Variants in YTHDF1 observed in about 807,000 individuals in gnomAD.
The protein encoded by YTHDF1 is YTH N6-methyladenosine RNA binding protein F1, also known as YTH domain-containing family protein 1.
YTHDF1 carries 16 observed loss-of-function variants against 49.1 expected under a neutral mutation model. That is an observed-to-expected ratio of 0.33 (90% confidence interval 0.22 to 0.49). The LOEUF is 0.49. Among genes scored for constraint, YTHDF1 ranks in the 20% least tolerant of loss-of-function variants. The pLI is 0.99. For missense variants in YTHDF1, 621 were observed against 744.3 expected, an observed-to-expected ratio of 0.83 and a Z score of 1.93; for synonymous variants, 313 against 290.1, an observed-to-expected ratio of 1.08 and a Z score of -0.80.
rs113905256 is a variant in YTHDF1 at position 63,201,910 on chromosome 20, C to T, written c.1653+377G>A. On this transcript the variant is annotated intron_variant, in intron 4 of 4. Transcript: ENST00000370339. ...ATATCACCTAAGTGTTCCTCATGGA[C>T]GGAGGCTGGGAAGCACTGTTCCAGA... Among the ~76,000 whole-genome samples, 110 of 152,338 alleles carry T rather than the reference C, an allele frequency of 7.2e-4. 2 individuals are homozygous for T. The highest frequency in any genetic ancestry group is 2.4e-3 in the African/African-American group (101 of 41,578).
Position 63,215,955 on chromosome 20 carries a change from G to A in YTHDF1, c.-63C>T. On this transcript the variant is annotated 5_prime_UTR_variant, in exon 1 of 5. Transcript: ENST00000370339. The stretch of plus-strand genomic sequence containing the variant: ...CCGGCTCGGGCCTCCCCTAGAGGCC[G>A]GGCCTGTCACCCTAGCTCGCGCGGC... The A allele has an allele frequency of 3.2e-6, 4 of 1,233,934 alleles. No individual in the cohort carries two copies. Among genetic ancestry groups the A allele is most frequent in the East Asian group, 3.4e-5 (1 of 29,314 alleles). 76.4% of individuals were successfully genotyped at this position (1,233,934 alleles called of 1,614,324 possible). A position where few individuals can be genotyped will look rare whatever the true frequency, so the allele number is the denominator to read the frequency against.
At position 63,213,922 on chromosome 20, in the gene YTHDF1, T is replaced by C; in HGVS notation, c.74A>G (p.Gln25Arg). The C allele has an allele frequency of 6.4e-7, 1 of 1,562,424 alleles. No homozygotes were observed. The highest frequency in any genetic ancestry group is 8.6e-7 in the Non-Finnish European group (1 of 1,164,538). ...GTCATTGTCATGAACTGTATCCTTC[T>C]GATGTAACGAACCATTTTGTACTAG... ...DNKVQNGSLH[Q>R]KDTVHDNDFE... The change falls in exon 3 of 5, where the codon CAG becomes CGG. Residue 25 changes from glutamine (Q) to arginine (R), a missense_variant. Physicochemically the swap from Gln to Arg is conservative, Grantham distance 43 (BLOSUM62 1). Coordinates refer to ENST00000370339, the MANE Select transcript of YTHDF1 (RefSeq NM_017798.4).
chr20:63,206,206 A>G (rs924759594), intron 3 of YTHDF1, among the ~76,000 whole-genome samples: 1 of 152,146 alleles, frequency 6.6e-6, no homozygotes, highest in Admixed American at 6.5e-5. Context: ...TCTTCCTTCC[A>G]CGCAAAAAGA....
chr20:63,202,484 T>G lies in YTHDF1; in HGVS notation c.1456A>C (p.Asn486His), dbSNP rs988495979. The G allele has an allele frequency of 6.2e-7, 1 of 1,614,276 alleles. No individual in the cohort carries two copies. The highest frequency in any genetic ancestry group is 8.5e-7 in the Non-Finnish European group (1 of 1,180,040). ...AGCCTGATGTGCCGGAGCTGGTTAT[T>G]GGGTACATCCTTAACAAAAATCCAC... ...VQWIFVKDVP[N>H]NQLRHIRLEN... The change falls in exon 4 of 5, where the codon AAT becomes CAT. Residue 486 changes from asparagine (N) to histidine (H), a missense_variant. This residue lies in a region of YTHDF1 where 151 missense variants were observed against 248.5 expected (regional missense o/e 0.61). Transcript: ENST00000370339.
chr20:63,204,155 C>A (rs1297374995), intron 3 of YTHDF1, among the ~76,000 whole-genome samples: 1 of 152,226 alleles, frequency 6.6e-6, no homozygotes, highest in Non-Finnish European at 1.5e-5. Flanking sequence ...CCCCTGCCTG[C>A]TGACGACAAC....
At position 63,202,404 on chromosome 20, in the gene YTHDF1, G is replaced by A. The variant is rs1023694615; in HGVS notation, c.1536C>T (p.Pro512=). Residue 512 remains proline, a synonymous_variant, in exon 4 of 5, where the codon CCC becomes CCT. Coordinates refer to ENST00000370339, the MANE Select transcript of YTHDF1 (RefSeq NM_017798.4). ...TCAGCACTTGCTTGGCTTTTTCTAAGGGCACCTCCTGGGTGTCCCGGGAGT... is the reference window on the plus strand; with the variant it reads ...TCAGCACTTGCTTGGCTTTTTCTAAAGGCACCTCCTGGGTGTCCCGGGAGT... ...VTNSRDTQEV[P]LEKAKQVLKI... 1 of 1,614,168 alleles carries A rather than the reference G, an allele frequency of 6.2e-7. No homozygotes were observed. The highest frequency in any genetic ancestry group is 1.3e-5 in the African/African-American group (1 of 74,954).
At chr20:63,197,250 G>A (rs1418453216) in intron 4 of YTHDF1, among the ~76,000 whole-genome samples, 2 of 152,120 alleles carry the variant, frequency 1.3e-5, no homozygotes, top group Non-Finnish European at 2.9e-5. Flanking sequence ...GGCTAATGAA[G>A]GGCAGGAGGA....
At chr20:63,200,926 T>C (rs1055100142) in intron 4 of YTHDF1, among the ~76,000 whole-genome samples, 1 of 152,122 alleles carries the variant, frequency 6.6e-6, no homozygotes, top group Middle Eastern at 3.4e-3. Context: ...TTGTCTGTAA[T>C]CCCAGCTACC....
At chr20:63,205,134 A>T (rs2066539742) in intron 3 of YTHDF1, among the ~76,000 whole-genome samples, 1 of 152,138 alleles carries the variant, frequency 6.6e-6, no homozygotes. Context: ...CATAAAGAGA[A>T]TATGCTCCAG....
At chr20:63,205,489 G>T (rs559779388) in intron 3 of YTHDF1, among the ~76,000 whole-genome samples, 1 of 151,380 alleles carries the variant, frequency 6.6e-6, no homozygotes, top group African/African-American at 2.4e-5. Flanking sequence ...TTCTCCACTT[G>T]TGAGCAGACA....
intron 3 of YTHDF1, 114 bp downstream of exon 3, chr20:63,213,750 T>G (rs2066587284): frequency 1.1e-6 from 1 of 949,048 alleles, no homozygotes; most frequent in South Asian, 1.7e-5. Flanking sequence ...TCCTAATACT[T>G]TATAGTCTGC....
Position 63,203,892 on chromosome 20 carries a change from G to A in YTHDF1, c.133-85C>T, listed in dbSNP as rs1161476964. The A allele has an allele frequency of 4.4e-6, 6 of 1,365,780 alleles. No homozygotes were observed. In the East Asian group the frequency reaches 1.2e-4, roughly 28 times the overall value. The allele number at this position is 1,365,780 out of a possible 1,614,324, so 84.6% of individuals were successfully genotyped here. On this transcript the variant is annotated intron_variant, in intron 3 of 4. Transcript: ENST00000370339. This position sits in a 1 kb window ranked among gnomAD's most constrained non-coding sequence, Gnocchi z 4.4. ...AACCGCCTCTTGCTTAAGCACAGGT[G>A]GAGCAAAAACAAAACCTGCACAGCA...
intron 3 of YTHDF1, among the ~76,000 whole-genome samples, chr20:63,211,794 C>T (rs141181375): frequency 4.3e-4 from 65 of 152,132 alleles, no homozygotes; most frequent in Non-Finnish European, 4.6e-4. Flanking sequence ...TGTCTACAAC[C>T]AACCAATCAA....
At chr20:63,210,614 T>C (rs1384806621) in intron 3 of YTHDF1, among the ~76,000 whole-genome samples, 1 of 151,620 alleles carries the variant, frequency 6.6e-6, no homozygotes, top group Non-Finnish European at 1.5e-5. Flanking sequence ...AGAAACCCCG[T>C]CCCTACTAAA....
Position 63,203,134 on chromosome 20 carries a change from A to G in YTHDF1, c.806T>C (p.Met269Thr), listed in dbSNP as rs576119387. The G allele has an allele frequency of 1.3e-4, 213 of 1,613,598 alleles. 4 individuals are homozygous for G. In the South Asian group the frequency reaches 2.2e-3, roughly 16 times the overall value. ...CTTGTTATCCCAGGTGCCAATGTCC[A>G]TGTTATGCTTTATGGGTGGAGGGGG... ...GLPPPPIKHN[M>T]DIGTWDNKGP... The change falls in exon 4 of 5, where the codon ATG becomes ACG. Residue 269 changes from methionine to threonine, a missense_variant. Physicochemically the swap from Met to Thr is moderately conservative, Grantham distance 81. This residue lies in a region of YTHDF1 where 470 missense variants were observed against 495.8 expected (regional missense o/e 0.95). Coordinates refer to ENST00000370339, the MANE Select transcript of YTHDF1 (RefSeq NM_017798.4). This position sits in a 1 kb window ranked among gnomAD's most constrained non-coding sequence, Gnocchi z 4.4.
chr20:63,205,755 C>T (rs6090298), intron 3 of YTHDF1, among the ~76,000 whole-genome samples: 34,349 of 152,022 alleles, frequency 0.23, 3,937 homozygotes, highest in East Asian at 0.35. Context: ...GTGATCCACC[C>T]GCCTCGGCCT....
Position 63,203,608 on chromosome 20 carries a change from A to G in YTHDF1, c.332T>C (p.Leu111Pro), listed in dbSNP as rs2066530473. Reference sequence around the variant, plus strand: ...CCTGTGCTGATAGATGTTGTTCCCCAGGCCCCCAGGCTGCCCAAAAACAGC... The same window carrying G: ...CCTGTGCTGATAGATGTTGTTCCCCGGGCCCCCAGGCTGCCCAAAAACAGC... ...HDAVFGQPGG[L>P]GNNIYQHRFN... The change falls in exon 4 of 5, where the codon CTG becomes CCG. Residue 111 changes from leucine to proline, a missense_variant. Physicochemically the swap from Leu to Pro is moderately conservative, Grantham distance 98. Coordinates refer to ENST00000370339, the MANE Select transcript of YTHDF1 (RefSeq NM_017798.4). This position sits in a 1 kb window ranked among gnomAD's most constrained non-coding sequence, Gnocchi z 4.4. The G allele has an allele frequency of 6.2e-7, 1 of 1,614,142 alleles. No individual in the cohort carries two copies. The highest frequency in any genetic ancestry group is 8.5e-7 in the Non-Finnish European group (1 of 1,180,016).
chr20:63,215,682 G>A, intron 1 of YTHDF1, 81 bp from the exon 2 acceptor site: 1 of 1,488,314 alleles, frequency 6.7e-7, no homozygotes, highest in South Asian at 1.4e-5. Context: ...CAGAGAACTG[G>A]TCTCCAACGG....
At chr20:63,197,262 C>T (rs959038499) in intron 4 of YTHDF1, among the ~76,000 whole-genome samples, 6 of 152,128 alleles carry the variant, frequency 3.9e-5, no homozygotes, top group Admixed American at 1.3e-4. Context: ...GCAGGAGGAC[C>T]GGTGTGGGCC....
Sources: allele counts gnomAD v4.1 joint callset (sites outside exome capture counted in the v4.1 genomes callset), GRCh38; gene constraint gnomAD v4.1.1; regional missense constraint gnomAD v4.1.1; non-coding constraint Gnocchi (gnomAD v3.1); transcripts MANE v1.5; gene names NCBI Gene and HGNC (gene_info 2026-07-23, HGNC 2026-07-21).